Variants in SMPX observed in about 807,000 individuals in gnomAD.
The protein encoded by SMPX is small muscle protein X-linked.
Under a neutral mutation model 6.3 loss-of-function variants are expected in SMPX, and 2 were observed. The observed-to-expected ratio is 0.32, with a 90% confidence interval of 0.13 to 0.99. The LOEUF (loss-of-function observed/expected upper bound fraction) is 0.99, where lower values mean the gene tolerates loss of function less well. SMPX is among the 50% of genes least tolerant of loss of function. The probability of loss-of-function intolerance (pLI) is 0.49; values close to 1 mark genes in which losing one functional copy is unlikely to be tolerated. For missense variants in SMPX, 60 were observed against 66.8 expected (o/e 0.90, Z 0.36); for synonymous variants, 32 against 24.7 (o/e 1.30, Z -0.88).
intron 4 of SMPX, among the ~76,000 whole-genome samples, chrX:21,714,442 T>G (rs989567001): frequency 1.8e-5 from 2 of 112,183 alleles, no homozygotes; most frequent in Non-Finnish European, 3.8e-5. Context: ...AATCCTATTA[T>G]TGGACATTTA....
intron 4 of SMPX, among the ~76,000 whole-genome samples, chrX:21,707,370 G>A (rs778197476): frequency 8.9e-6 from 1 of 111,991 alleles, no homozygotes; most frequent in African/African-American, 3.2e-5. Flanking sequence ...GAATGTAAAT[G>A]AACTATGGGT....
chrX:21,728,930 C>T (rs1021010539), intron 4 of SMPX, among the ~76,000 whole-genome samples: 2 of 112,234 alleles, frequency 1.8e-5, no homozygotes, highest in Non-Finnish European at 3.8e-5. Flanking sequence ...TGGGAATGTT[C>T]ATGATGACAA....
intron 4 of SMPX, among the ~76,000 whole-genome samples, chrX:21,710,649 G>A (rs762985092): frequency 7.2e-5 from 8 of 111,559 alleles, no homozygotes; most frequent in African/African-American, 2.6e-4. Context: ...TAAATGCATG[G>A]AATTCTTAAC....
intron 3 of SMPX, among the ~76,000 whole-genome samples, chrX:21,740,862 CT>C (rs1242717130): frequency 4.5e-5 from 5 of 112,275 alleles, no homozygotes; most frequent in African/African-American, 1.6e-4. Context: ...TCACAACCTG[CT>C]ATTTTGTGGC....
chrX:21,747,661 G>A (rs906258949), intron 2 of SMPX, among the ~76,000 whole-genome samples: 5 of 111,173 alleles, frequency 4.5e-5, no homozygotes, highest in Admixed American at 3.8e-4. Flanking sequence ...GCTGCCAGCC[G>A]GCTGGGTACT....
At chrX:21,727,842 T>C (rs1490817427) in intron 4 of SMPX, among the ~76,000 whole-genome samples, 1 of 112,328 alleles carries the variant, frequency 8.9e-6, no homozygotes, top group Non-Finnish European at 1.9e-5. Context: ...CTCCTCGTGA[T>C]TCCTTCTCCT....
Position 21,737,578 on chromosome X carries a change from G to T in SMPX, c.252C>A (p.Pro84=). The T allele has an allele frequency of 8.3e-7, 1 of 1,206,785 alleles. No individual in the cohort carries two copies. The highest frequency in any genetic ancestry group is 1.1e-6 in the Non-Finnish European group (1 of 891,284). Reference sequence around the variant, plus strand: ...TTTCTTCCTACTACTGTTCAGCTTTGGGGACATATTTTAGTTCACTTTTAA... The same window carrying T: ...TTTCTTCCTACTACTGTTCAGCTTTTGGGACATATTTTAGTTCACTTTTAA... The part of the protein sequence containing the change: ...QNIKSELKYV[P]KAEQ Residue 84 remains proline (P), a synonymous_variant, in exon 4 of 5, where the codon CCC becomes CCA. Transcript: ENST00000379494.
At chrX:21,717,137 C>T (rs1375702900) in intron 4 of SMPX, among the ~76,000 whole-genome samples, 1 of 111,717 alleles carries the variant, frequency 9.0e-6, no homozygotes, top group Non-Finnish European at 1.9e-5. Flanking sequence ...CAAATCTCAT[C>T]TTGAATTGTA....
At chrX:21,710,858 G>A (rs929047606) in intron 4 of SMPX, among the ~76,000 whole-genome samples, 10 of 111,722 alleles carry the variant, frequency 9.0e-5, no homozygotes, top group Non-Finnish European at 1.9e-4. Context: ...TCCACCAACT[G>A]ATTACACAGC....
chrX:21,742,327 T>G (rs960923276), intron 3 of SMPX, among the ~76,000 whole-genome samples: 18 of 112,189 alleles, frequency 1.6e-4, no homozygotes, highest in African/African-American at 5.8e-4. Flanking sequence ...TCATGAAAAT[T>G]GGATAATTAC....
At chrX:21,731,405 CATATA>C (rs1456217666) in intron 4 of SMPX, among the ~76,000 whole-genome samples, 5 of 95,157 alleles carry the variant, frequency 5.3e-5, no homozygotes, top group Middle Eastern at 5.9e-3. Flanking sequence ...ACACACTATA[CATATA>C]ATATATATAC....
chrX:21,752,610 C>A (rs962179326), intron 2 of SMPX, among the ~76,000 whole-genome samples: 5 of 110,746 alleles, frequency 4.5e-5, no homozygotes, highest in African/African-American at 1.6e-4. Context: ...CTCCGCCTCC[C>A]AGGTTCAAGC....
intron 4 of SMPX, among the ~76,000 whole-genome samples, chrX:21,723,803 C>T (rs2092794150): frequency 8.9e-6 from 1 of 112,024 alleles, no homozygotes; most frequent in Non-Finnish European, 1.9e-5. Context: ...AAGGGTGCCA[C>T]ACAGGAGAGA....
chrX:21,750,713 C>A (rs777952692), intron 2 of SMPX, among the ~76,000 whole-genome samples: 10 of 111,654 alleles, frequency 9.0e-5, no homozygotes, highest in African/African-American at 3.3e-4. Context: ...ATTCAAAAGC[C>A]ATCTCTTCTT....
At chrX:21,747,922 G>A (rs1423267590) in intron 2 of SMPX, among the ~76,000 whole-genome samples, 4 of 111,594 alleles carry the variant, frequency 3.6e-5, no homozygotes, top group East Asian at 2.8e-4. Flanking sequence ...TCTGTAGCAC[G>A]GGCAGAGGAA....
intron 4 of SMPX, among the ~76,000 whole-genome samples, chrX:21,726,726 A>G (rs920295248): frequency 4.5e-5 from 5 of 112,190 alleles, no homozygotes; most frequent in Admixed American, 9.4e-5. Context: ...GTCTTCAAAC[A>G]TTGCTAAATA....
chrX:21,746,599 A>C (rs1036564271), intron 2 of SMPX, among the ~76,000 whole-genome samples: 6 of 110,117 alleles, frequency 5.4e-5, no homozygotes, highest in Non-Finnish European at 1.1e-4. Context: ...CTGACTTGAC[A>C]CTTTTTCTTC....
chrX:21,727,612 C>T (rs755422736), intron 4 of SMPX: 1 of 111,699 alleles, frequency 9.0e-6, no homozygotes, highest in East Asian at 2.8e-4. Flanking sequence ...TTCTGAGCAA[C>T]CTTTGTGCCA....
intron 2 of SMPX, among the ~76,000 whole-genome samples, chrX:21,750,001 G>A (rs1186209992): frequency 1.8e-5 from 2 of 111,796 alleles, no homozygotes; most frequent in African/African-American, 6.5e-5. Context: ...TGGAGAGAAA[G>A]GATCAGTGAC....
Sources: allele counts gnomAD v4.1 joint callset (sites outside exome capture counted in the v4.1 genomes callset), GRCh38; gene constraint gnomAD v4.1.1; transcripts MANE v1.5; gene names NCBI Gene and HGNC (gene_info 2026-07-23, HGNC 2026-07-21).